NEBL: variants seen among roughly 807,000 people sequenced by gnomAD.
NEBL encodes the protein LIM and SH3 protein 2.
In NEBL, 122 loss-of-function variants were observed where a neutral mutation model predicts 140.2. The ratio of observed to expected loss-of-function variants is 0.87; its 90% CI spans 0.75 to 1.01. NEBL has a LOEUF of 1.01. NEBL is among the 50% of genes least tolerant of loss of function. The probability of loss-of-function intolerance (pLI) is 0.00; values close to 1 mark genes in which losing one functional copy is unlikely to be tolerated. For missense variants in NEBL, 1,365 were observed against 1,231.3 expected (o/e 1.11, Z -1.62); for synonymous variants, 436 against 398.9 (o/e 1.09, Z -1.11).
At chr10:20,962,059 A>G (rs1291157581) in intron 3 of NEBL, among the ~76,000 whole-genome samples, 2 of 152,194 alleles carry the variant, frequency 1.3e-5, no homozygotes, top group Non-Finnish European at 2.9e-5. Flanking sequence ...GCTATTTAAG[A>G]GGTTGTAGGG....
intron 19 of NEBL, among the ~76,000 whole-genome samples, chr10:20,821,671 C>T (rs1299809778): frequency 3.5e-4 from 53 of 152,182 alleles, no homozygotes; most frequent in Admixed American, 3.5e-3. Context: ...GTCAACTGCT[C>T]TTAAACATTA....
intron 2 of NEBL, among the ~76,000 whole-genome samples, chr10:21,067,229 C>T (rs953672710): frequency 1.3e-5 from 2 of 152,002 alleles, no homozygotes; most frequent in African/African-American, 4.8e-5. Flanking sequence ...CCTCGGCCTC[C>T]CAAAGTGCTG....
At chr10:21,127,524 G>A (rs1838896065) in intron 2 of NEBL, among the ~76,000 whole-genome samples, 2 of 151,426 alleles carry the variant, frequency 1.3e-5, no homozygotes, top group African/African-American at 4.9e-5. Context: ...GAGATATACT[G>A]GAAAGTACAT....
At chr10:20,917,195 A>G (rs887650307) in intron 4 of NEBL, among the ~76,000 whole-genome samples, 2 of 152,212 alleles carry the variant, frequency 1.3e-5, no homozygotes, top group African/African-American at 4.8e-5. Flanking sequence ...TCCAAAGTCT[A>G]CCATTTTGTC....
chr10:20,934,230 C>G (rs1216365061), intron 4 of NEBL, among the ~76,000 whole-genome samples: 2 of 152,130 alleles, frequency 1.3e-5, no homozygotes, highest in African/African-American at 2.4e-5. Flanking sequence ...CCTTCTATTA[C>G]AGAGAGTGCC....
chr10:20,959,134 T>G (rs556061269), intron 4 of NEBL, among the ~76,000 whole-genome samples: 3 of 152,130 alleles, frequency 2.0e-5, no homozygotes, highest in East Asian at 1.9e-4. Context: ...TATTCAGAGA[T>G]AAACTAGAAA....
intron 2 of NEBL, among the ~76,000 whole-genome samples, chr10:21,039,989 A>G (rs1834195677): frequency 6.6e-6 from 1 of 152,328 alleles, no homozygotes; most frequent in East Asian, 1.9e-4. Flanking sequence ...GCATAGGATT[A>G]CACAGCCAGA....
chr10:21,064,643 G>A (rs1242916547), intron 2 of NEBL, among the ~76,000 whole-genome samples: 2 of 152,150 alleles, frequency 1.3e-5, no homozygotes, highest in South Asian at 2.1e-4. Context: ...ACAGTGTCAG[G>A]AGATGCATTT....
chr10:21,103,215 C>CA (rs950470894), intron 2 of NEBL, among the ~76,000 whole-genome samples: 13 of 140,256 alleles, frequency 9.3e-5, no homozygotes, highest in Non-Finnish European at 1.9e-4. Flanking sequence ...TTTTCAACTC[C>CA]TTTTTTTTTT....
At chr10:21,128,000 A>G (rs552640348) in intron 2 of NEBL, among the ~76,000 whole-genome samples, 44 of 152,342 alleles carry the variant, frequency 2.9e-4, no homozygotes, top group African/African-American at 9.9e-4. Flanking sequence ...ACATACAACT[A>G]GGTACTTATT....
At chr10:20,926,429 T>G (rs1310075342) in intron 4 of NEBL, among the ~76,000 whole-genome samples, 9 of 152,206 alleles carry the variant, frequency 5.9e-5, no homozygotes, top group Non-Finnish European at 1.0e-4. Context: ...TCATTTTTCC[T>G]TTTTTCAGTT....
intron 26 of NEBL, among the ~76,000 whole-genome samples, chr10:20,807,322 T>A (rs1366935514): frequency 6.6e-6 from 1 of 152,106 alleles, no homozygotes; most frequent in African/African-American, 2.4e-5. Context: ...CAAGACTCTA[T>A]CAAAAAAGTA....
At chr10:21,288,820 G>GTGTATATATATATATATATA (rs1477748950) in intron 1 of NEBL, among the ~76,000 whole-genome samples, 45 of 34,990 alleles carry the variant, frequency 1.3e-3, no homozygotes, top group African/African-American at 4.1e-3. Context: ...GTGTGTGTGT[G>GTGTATATATATATATATATA]TATATATATA....
At chr10:20,937,137 C>A (rs964998415) in intron 4 of NEBL, among the ~76,000 whole-genome samples, 1 of 152,184 alleles carries the variant, frequency 6.6e-6, no homozygotes, top group Non-Finnish European at 1.5e-5. Context: ...TTCCCCAACT[C>A]TCCCAAACCA....
intron 2 of NEBL, among the ~76,000 whole-genome samples, chr10:21,105,766 T>C (rs1490169462): frequency 1.3e-5 from 2 of 152,198 alleles, no homozygotes; most frequent in East Asian, 3.9e-4. Flanking sequence ...CGCCACACTG[T>C]TTTCCACAAT....
chr10:21,265,125 G>A (rs948916541), intron 1 of NEBL, among the ~76,000 whole-genome samples: 2 of 151,860 alleles, frequency 1.3e-5, no homozygotes, highest in African/African-American at 4.8e-5. Context: ...GTTTTACCAT[G>A]TTGGCCAGGC....
intron 7 of NEBL, among the ~76,000 whole-genome samples, chr10:20,865,375 T>C (rs1263166734): frequency 2.6e-5 from 4 of 152,160 alleles, no homozygotes; most frequent in Non-Finnish European, 5.9e-5. Flanking sequence ...CTGTCATCCC[T>C]ATTTTACAAA....
chr10:20,810,689 A>T (rs1162204147), intron 24 of NEBL, among the ~76,000 whole-genome samples: 1 of 152,228 alleles, frequency 6.6e-6, no homozygotes, highest in Non-Finnish European at 1.5e-5. Flanking sequence ...AGGGCATCAG[A>T]TCCTAAAATA....
intron 4 of NEBL, among the ~76,000 whole-genome samples, chr10:20,908,996 T>C (rs1848216060): frequency 1.3e-5 from 2 of 152,176 alleles, no homozygotes; most frequent in Non-Finnish European, 1.5e-5. Context: ...TTTGTGGCAC[T>C]CTTTTTTTTA....
Sources: allele counts gnomAD v4.1 joint callset (sites outside exome capture counted in the v4.1 genomes callset), GRCh38; gene constraint gnomAD v4.1.1; transcripts MANE v1.5; gene names NCBI Gene and HGNC (gene_info 2026-07-23, HGNC 2026-07-21).